The following ZNF441 variants were observed in gnomAD, a reference collection of about 807,000 sequenced individuals.
The protein encoded by ZNF441 is zinc finger protein 441.
ZNF441 carries 25 observed loss-of-function variants against 64.5 expected under a neutral mutation model. The observed-to-expected ratio is 0.39, with a 90% CI of 0.28 to 0.54. The LOEUF is 0.54. Among genes scored for constraint, ZNF441 ranks in the 20% least tolerant of loss-of-function variants. The pLI is 0.70. For missense variants in ZNF441, 715 were observed against 843.3 expected (o/e 0.85, Z 1.88); for synonymous variants, 262 against 268.0 (o/e 0.98, Z 0.22).
At position 11,783,525 on chromosome 19, in the gene ZNF441, A is replaced by G. The variant is rs958775233; in HGVS notation, c.*1619A>G. 3.3e-5 allele frequency: 5 copies of G among 152,228 alleles called. No homozygotes were observed. The highest frequency in any genetic ancestry group is 9.6e-5 in the African/African-American group (4 of 41,454). 9.4% of individuals were successfully genotyped at this position (152,228 alleles called of 1,614,324 possible). On this transcript the variant is annotated 3_prime_UTR_variant, in exon 4 of 4. Transcript: ENST00000357901. Reference sequence around the variant, plus strand: ...ATAACAAAGATATGGAATTAACCTAAGCATCCATCAGTGGACACAGGGATA... The same window carrying G: ...ATAACAAAGATATGGAATTAACCTAGGCATCCATCAGTGGACACAGGGATA...
At chr19:11,771,017 A>G (rs749878351) in intron 1 of ZNF441, among the ~76,000 whole-genome samples, 2 of 152,248 alleles carry the variant, frequency 1.3e-5, no homozygotes, top group African/African-American at 2.4e-5. Context: ...TTAGGAAACT[A>G]AAGAAAGAAT....
In ZNF441 at chr19:11,778,409, A is replaced by G. The variant is rs925368163; in HGVS notation, c.194+16A>G. 5.9e-6 allele frequency: 9 copies of G among 1,527,126 alleles called. No homozygotes were observed. The highest frequency in any genetic ancestry group is 7.9e-6 in the Non-Finnish European group (9 of 1,132,590). The allele number at this position is 1,527,126 out of a possible 1,614,324, so 94.6% of individuals were successfully genotyped here. A position where few individuals can be genotyped will look rare whatever the true frequency, so the allele number is the denominator to read the frequency against. On this transcript the variant is annotated intron_variant, in intron 3 of 3. Coordinates refer to ENST00000357901, the MANE Select transcript of ZNF441 (RefSeq NM_152355.3). The stretch of plus-strand genomic sequence containing the variant: ...GAAATCTAAGGTAATTTGCACTCAC[A>G]AGAGAAAGCTGTGTCCTTGAAGTGA...
Position 11,782,444 on chromosome 19 carries a change from C to G in ZNF441, c.*538C>G, listed in dbSNP as rs1297030746. Reference sequence around the variant, plus strand: ...GCACATTTTTCTGTATATCTTAAATCATTTCTAGATTACTTATAATACACA... The same window carrying G: ...GCACATTTTTCTGTATATCTTAAATGATTTCTAGATTACTTATAATACACA... On this transcript the variant is annotated 3_prime_UTR_variant, in exon 4 of 4. Coordinates refer to ENST00000357901, the MANE Select transcript of ZNF441 (RefSeq NM_152355.3). The G allele has an allele frequency of 6.6e-6, 1 of 152,226 alleles. No individual in the cohort carries two copies. The highest frequency in any genetic ancestry group is 2.4e-5 in the African/African-American group (1 of 41,428). 9.4% of individuals were successfully genotyped at this position (152,226 alleles called of 1,614,324 possible). A position where few individuals can be genotyped will look rare whatever the true frequency, so the allele number is the denominator to read the frequency against.
In ZNF441 at chr19:11,783,176, A is replaced by C. The variant is rs563111961; in HGVS notation, c.*1270A>C. 3 of 152,360 alleles carry C rather than the reference A, an allele frequency of 2.0e-5. No individual in the cohort carries two copies. The South Asian group carries it at 6.2e-4, about 32-fold the overall frequency. 9.4% of individuals were successfully genotyped at this position (152,360 alleles called of 1,614,324 possible). On this transcript the variant is annotated 3_prime_UTR_variant, in exon 4 of 4. Transcript: ENST00000357901. Reference sequence around the variant, plus strand: ...TCAAAAGAAGACATGCAAATGGCCAAAAAGTATATGGAAATATGTTCAACA... The same window carrying C: ...TCAAAAGAAGACATGCAAATGGCCACAAAGTATATGGAAATATGTTCAACA...
chr19:11,776,136 C>A (rs1975353493), intron 1 of ZNF441, among the ~76,000 whole-genome samples: 3 of 152,112 alleles, frequency 2.0e-5, no homozygotes, highest in African/African-American at 7.2e-5. Flanking sequence ...TCTTTCAGAC[C>A]TTTGGATAGT....
chr19:11,774,822 T>A (rs1273769282), intron 1 of ZNF441, among the ~76,000 whole-genome samples: 1 of 152,224 alleles, frequency 6.6e-6, no homozygotes, highest in Non-Finnish European at 1.5e-5. Context: ...TTTTTATTCT[T>A]CTTTATAGTC....
At position 11,780,032 on chromosome 19, in the gene ZNF441, G is replaced by C. The variant is rs756766663; in HGVS notation, c.208G>C (p.Glu70Gln). The C allele has an allele frequency of 6.2e-7, 1 of 1,610,922 alleles. No individual in the cohort carries two copies. Among genetic ancestry groups the C allele is most frequent in the African/African-American group, 1.3e-5 (1 of 74,840 alleles). Residue 70 changes from glutamate to glutamine, a missense_variant, in exon 4 of 4, where the codon GAG (glutamate) becomes CAG (glutamine). Physicochemically the swap from Glu to Gln is conservative, Grantham distance 29. Around this residue, in one of 2 missense-constraint regions of ZNF441, gnomAD observed 399 missense variants for 413.9 expected, o/e 0.96. Transcript: ENST00000357901. The stretch of plus-strand genomic sequence containing the variant: ...TATTTTTTACAGATGTCATATGGTA[G>C]AGAGAGCCTGTGAAATTAAAGATAA... ...LRRNLRCHMV[E>Q]RACEIKDNSQ...
At chr19:11,772,300 T>C (rs1975320613) in intron 1 of ZNF441, among the ~76,000 whole-genome samples, 1 of 152,206 alleles carries the variant, frequency 6.6e-6, no homozygotes. Context: ...GGCCCAGCTG[T>C]CATTTCTTTT....
At chr19:11,774,449 T>G (rs116478417) in intron 1 of ZNF441, among the ~76,000 whole-genome samples, 571 of 152,328 alleles carry the variant, frequency 3.7e-3, no homozygotes, top group African/African-American at 0.013. Flanking sequence ...ATACATTCTA[T>G]CAATTTCATT....
chr19:11,779,957 A>G (rs1975385242), intron 3 of ZNF441, 62 bp from the exon 4 acceptor site: 1 of 1,304,678 alleles, frequency 7.7e-7, no homozygotes, highest in East Asian at 2.3e-5. Flanking sequence ...TAAATCCAAT[A>G]CTTATTAATA....
At chr19:11,778,200 C>T (rs1975369644) in intron 2 of ZNF441, 130 bp from the exon 3 acceptor site, 1 of 694,816 alleles carries the variant, frequency 1.4e-6, no homozygotes, top group East Asian at 2.8e-5. Flanking sequence ...CTGTGCAGTT[C>T]AAACCTGTGT....
intron 3 of ZNF441, 30 bp from the exon 4 acceptor site, chr19:11,779,989 C>A: frequency 6.7e-7 from 1 of 1,492,240 alleles, no homozygotes; most frequent in South Asian, 1.2e-5. Context: ...ATAAACAAAC[C>A]TTTACTAATG....
intron 3 of ZNF441, 132 bp downstream of exon 3, chr19:11,778,525 C>A: frequency 1.4e-6 from 1 of 696,610 alleles, no homozygotes. Context: ...GTGGTATGAT[C>A]ATAGCTCGCT....
In ZNF441 at chr19:11,767,330, C is replaced by A; in HGVS notation, c.3+134C>A. The A allele has an allele frequency of 7.1e-7, 1 of 1,403,648 alleles. No individual in the cohort carries two copies. Among genetic ancestry groups the A allele is most frequent in the Non-Finnish European group, 9.8e-7 (1 of 1,023,822 alleles). 86.9% of individuals were successfully genotyped at this position (1,403,648 alleles called of 1,614,324 possible). On this transcript the variant is annotated intron_variant, in intron 1 of 3. Transcript: ENST00000357901. The surrounding 1 kb of genome is among the most constrained non-coding windows in gnomAD (Gnocchi z 5.1). ...GCAGCTCGGCCCTCGGTTCCCTCGG[C>A]CGCACGATGGGGCTGGGGCGGCAGC... is the stretch of plus-strand genomic sequence containing the variant.
At chr19:11,776,831 G>C (rs1008601899) in intron 1 of ZNF441, among the ~76,000 whole-genome samples, 1 of 150,766 alleles carries the variant, frequency 6.6e-6, no homozygotes, top group African/African-American at 2.4e-5. Context: ...TTTTTGAGGC[G>C]GAGTTTCTCT....
intron 3 of ZNF441, among the ~76,000 whole-genome samples, chr19:11,779,667 C>T (rs1260784932): frequency 6.6e-6 from 1 of 151,830 alleles, no homozygotes; most frequent in Non-Finnish European, 1.5e-5. Context: ...ATGGTGTGAA[C>T]CCGGGGGAGG....
Position 11,780,771 on chromosome 19 carries a change from G to A in ZNF441, c.947G>A (p.Gly316Asp). Residue 316 changes from glycine (G) to aspartate (D), a missense_variant, in exon 4 of 4, where the codon GGC becomes GAC. Physicochemically the swap from Gly to Asp is moderately conservative, Grantham distance 94. Coordinates refer to ENST00000357901, the MANE Select transcript of ZNF441 (RefSeq NM_152355.3). ...CATAAATGTAAGATATGTGGAAAAG[G>A]CTTTCTTTCTCCCAGTTCAGTTCGA... The part of the protein sequence containing the change: ...GPHKCKICGK[G>D]FLSPSSVRRH... The A allele has an allele frequency of 2.5e-6, 4 of 1,613,902 alleles. No individual in the cohort carries two copies. Among genetic ancestry groups the A allele is most frequent in the Non-Finnish European group, 3.4e-6 (4 of 1,179,954 alleles).
chr19:11,775,091 A>G (rs1053668835), intron 1 of ZNF441, among the ~76,000 whole-genome samples: 3 of 152,204 alleles, frequency 2.0e-5, no homozygotes, highest in Non-Finnish European at 2.9e-5. Context: ...AGACATGCCA[A>G]ACAAAAAGCT....
At chr19:11,774,922 GA>G (rs1975342662) in intron 1 of ZNF441, among the ~76,000 whole-genome samples, 1 of 152,180 alleles carries the variant, frequency 6.6e-6, no homozygotes, top group African/African-American at 2.4e-5. Flanking sequence ...CTGGTTTGTG[GA>G]AGGTTTTAAT....
Sources: gnomAD v4.1 joint callset for allele counts (sites outside exome capture counted in the v4.1 genomes callset) on GRCh38, gnomAD v4.1.1 for gene constraint, gnomAD v4.1.1 regional missense constraint, Gnocchi (gnomAD v3.1) non-coding constraint, MANE v1.5 for transcripts, NCBI Gene and HGNC (gene_info 2026-07-23, HGNC 2026-07-21) for gene names.